The following TBC1D5 variants were observed in gnomAD, a reference collection of about 807,000 sequenced individuals.
The protein encoded by TBC1D5 is TBC1 domain family member 5, also known as TBC1 domain family, member 5.
TBC1D5 carries 75 observed loss-of-function variants against 100.3 expected under a neutral mutation model. That is an observed-to-expected ratio of 0.75 (90% CI 0.62 to 0.91). TBC1D5 has a LOEUF of 0.91. Ranked by LOEUF, TBC1D5 falls within the 40% of genes least tolerant of loss-of-function variation. The probability of loss-of-function intolerance (pLI) is 0.00; values close to 1 mark genes in which losing one functional copy is unlikely to be tolerated. For synonymous variants in TBC1D5, 323 were observed against 325.6 expected, an observed-to-expected ratio of 0.99 and a Z score of 0.09; for missense variants, 910 against 942.4, an observed-to-expected ratio of 0.97 and a Z score of 0.45.
intron 2 of TBC1D5, among the ~76,000 whole-genome samples, chr3:17,570,074 G>T (rs999138241): frequency 1.3e-5 from 2 of 151,936 alleles, no homozygotes; most frequent in Admixed American, 1.3e-4. Context: ...TCCATCAGTA[G>T]AGCTCAAGCT....
rs557514248 is a variant in TBC1D5 at position 17,739,152 on chromosome 3, AC to A, written c.-101+190del. Among the ~76,000 whole-genome samples, 8 of 152,166 alleles carry A rather than the reference AC, an allele frequency of 5.3e-5. No homozygotes were observed. The South Asian group carries it at 1.7e-3, about 32-fold the overall frequency. On this transcript the variant is annotated intron_variant, in intron 1 of 21. Coordinates refer to ENST00000253692, the Ensembl canonical transcript of TBC1D5. ...TCACATTTCTCAAGTTCTGGTACAC[AC>A]ACTGTACACACTGCCATTCCAATGA...
At chr3:17,221,509 C>A (rs972125392) in intron 17 of TBC1D5, among the ~76,000 whole-genome samples, 1 of 151,950 alleles carries the variant, frequency 6.6e-6, no homozygotes, top group African/African-American at 2.4e-5. Context: ...AAGAGGAAGG[C>A]AGAAGAATGA....
chr3:17,562,472 AAAATTTTTAAATC>A (rs1458393560), intron 2 of TBC1D5, among the ~76,000 whole-genome samples: 1 of 151,982 alleles, frequency 6.6e-6, no homozygotes, highest in Non-Finnish European at 1.5e-5. Flanking sequence ...ATGAAATTAA[AAAATTTTTAAATC>A]ATAAAATGAG....
At chr3:17,181,926 A>G (rs2068494901) in intron 19 of TBC1D5, among the ~76,000 whole-genome samples, 1 of 152,198 alleles carries the variant, frequency 6.6e-6, no homozygotes. Context: ...ATACTATATT[A>G]TATTCAATCC....
At chr3:17,287,533 T>C (rs1482289074) in intron 15 of TBC1D5, among the ~76,000 whole-genome samples, 1 of 152,220 alleles carries the variant, frequency 6.6e-6, no homozygotes, top group Non-Finnish European at 1.5e-5. Context: ...TATAAGCTTT[T>C]TGACCTTGGG....
chr3:17,325,842 T>C lies in TBC1D5; in HGVS notation c.996-17708A>G, dbSNP rs113756628. On this transcript the variant is annotated intron_variant, in intron 13 of 21. Transcript: ENST00000253692. ...TTGACTATAGACACGTACAAATGTA[T>C]GTGTCTGCCAAACTATATTTCGATA... is the stretch of plus-strand genomic sequence containing the variant. Among the ~76,000 whole-genome samples the C allele has an allele frequency of 2.8e-3, 430 of 152,316 alleles. 1 individual carries two copies. The highest frequency in any genetic ancestry group is 3.9e-3 in the Non-Finnish European group (268 of 68,038).
intron 13 of TBC1D5, among the ~76,000 whole-genome samples, chr3:17,350,585 T>C (rs189962290): frequency 1.1e-4 from 17 of 152,304 alleles, no homozygotes; most frequent in Non-Finnish European, 2.4e-4. Flanking sequence ...GGCCTATGGA[T>C]GAAGAGACAG....
intron 13 of TBC1D5, among the ~76,000 whole-genome samples, chr3:17,329,889 A>T (rs946731395): frequency 2.0e-5 from 3 of 152,186 alleles, no homozygotes; most frequent in African/African-American, 7.2e-5. Flanking sequence ...ACATAGCATT[A>T]ATTTCTCTAT....
At chr3:17,589,113 C>A (rs1229557654) in intron 2 of TBC1D5, among the ~76,000 whole-genome samples, 1 of 152,146 alleles carries the variant, frequency 6.6e-6, no homozygotes, top group African/African-American at 2.4e-5. Flanking sequence ...GAAGTTCATT[C>A]AAGTACAATA....
intron 21 of TBC1D5, among the ~76,000 whole-genome samples, chr3:17,162,966 A>C (rs2066220233): frequency 6.6e-6 from 1 of 152,228 alleles, no homozygotes. Flanking sequence ...GGTGGAGCTT[A>C]TCCTAGGTTG....
intron 15 of TBC1D5, among the ~76,000 whole-genome samples, chr3:17,291,278 A>G (rs912376840): frequency 2.6e-5 from 4 of 152,250 alleles, no homozygotes; most frequent in African/African-American, 9.6e-5. Flanking sequence ...TTCAAGAAAT[A>G]TAACATTAGT....
intron 10 of TBC1D5, among the ~76,000 whole-genome samples, chr3:17,375,382 C>A (rs1002958166): frequency 6.6e-6 from 1 of 151,950 alleles, no homozygotes; most frequent in African/African-American, 2.4e-5. Flanking sequence ...TCCTGGCCAA[C>A]ATGGTGAAAC....
chr3:17,161,385 A>C, intron 21 of TBC1D5, 129 bp from the exon 23 acceptor site: 1 of 1,069,164 alleles, frequency 9.4e-7, no homozygotes, highest in Admixed American at 2.7e-5. Context: ...CGACCTTGAA[A>C]GACGCAGTGT....
At chr3:17,378,934 G>T (rs772722318) in intron 9 of TBC1D5, among the ~76,000 whole-genome samples, 1 of 151,560 alleles carries the variant, frequency 6.6e-6, no homozygotes, top group Non-Finnish European at 1.5e-5. Flanking sequence ...CTTCTCCCCA[G>T]AGTTCTGAAA....
At chr3:17,712,675 G>A (rs564752642) in intron 1 of TBC1D5, among the ~76,000 whole-genome samples, 7 of 152,146 alleles carry the variant, frequency 4.6e-5, no homozygotes, top group Non-Finnish European at 1.0e-4. Flanking sequence ...TGGAGCAGAA[G>A]TATCACTTCT....
At chr3:17,570,838 T>C (rs1043389667) in intron 2 of TBC1D5, among the ~76,000 whole-genome samples, 3 of 152,014 alleles carry the variant, frequency 2.0e-5, no homozygotes, top group African/African-American at 7.2e-5. Flanking sequence ...ATTAAAGTTA[T>C]TGTTGCAACC....
intron 1 of TBC1D5, among the ~76,000 whole-genome samples, chr3:17,661,646 G>A (rs946081125): frequency 3.3e-5 from 5 of 151,716 alleles, no homozygotes; most frequent in African/African-American, 9.7e-5. Flanking sequence ...GACTACAGGC[G>A]CCTGCCACCT....
intron 1 of TBC1D5, among the ~76,000 whole-genome samples, chr3:17,733,400 T>C (rs916603576): frequency 6.6e-6 from 1 of 152,230 alleles, no homozygotes; most frequent in Non-Finnish European, 1.5e-5. Context: ...GTCTGAGCTC[T>C]GTAGTCTGTC....
chr3:17,180,879 T>C lies in TBC1D5; in HGVS notation c.1852+4230A>G, dbSNP rs533565654. ...ACTTCACCACTGTGCAGTATATCCA[T>C]GTATCAAAAGCGCATTTGTACCCCT... On this transcript the variant is annotated intron_variant, in intron 19 of 21. Coordinates refer to ENST00000253692, the Ensembl canonical transcript of TBC1D5. Among the ~76,000 whole-genome samples, 12 of 145,592 alleles carry C rather than the reference T, an allele frequency of 8.2e-5. No homozygotes were observed. In the South Asian group the frequency reaches 1.5e-3, roughly 18 times the overall value.
Sources: gnomAD v4.1 joint callset for allele counts (sites outside exome capture counted in the v4.1 genomes callset) on GRCh38, gnomAD v4.1.1 for gene constraint, MANE v1.5 for transcripts, NCBI Gene and HGNC (gene_info 2026-07-23, HGNC 2026-07-21) for gene names.